SPRY3: variants seen among roughly 807,000 people sequenced by gnomAD.
SPRY3 encodes the protein protein sprouty homolog 3.
Under a neutral mutation model 20.2 loss-of-function variants are expected in SPRY3, and 15 were observed. That is an observed-to-expected ratio of 0.74 (90% CI 0.50 to 1.14). The LOEUF (loss-of-function observed/expected upper bound fraction) is 1.14. Ranked by LOEUF, SPRY3 falls within the 50% of genes most tolerant of loss-of-function variation. SPRY3 has a pLI of 0.00. For synonymous variants in SPRY3, 143 were observed against 136.5 expected (o/e 1.05, Z -0.33); for missense variants, 364 against 363.9 (o/e 1.00, Z 0.00).
At chrX:155,773,929 T>C (rs372778810) in exon 4 of SPRY3, 4 of 1,613,836 alleles carry the variant, frequency 2.5e-6, no homozygotes, top group Non-Finnish European at 3.4e-6. Context: ...ACAGCTGCGC[T>C]CTACTCATGC....
intron 2 of SPRY3, among the ~76,000 whole-genome samples, chrX:155,711,026 T>A (rs1207018949): frequency 6.6e-6 from 1 of 151,876 alleles, no homozygotes; most frequent in East Asian, 1.9e-4. Context: ...TTGGTCATGA[T>A]AAATGATCTT....
At chrX:155,776,772 C>T (rs1183262066) in exon 4 of SPRY3, 1 of 166,988 alleles carries the variant, frequency 6.0e-6, no homozygotes, top group Non-Finnish European at 1.5e-5. Context: ...ACCTCCATGT[C>T]CCTTTGTTGG....
chrX:155,720,407 G>A (rs1480570866), intron 2 of SPRY3, among the ~76,000 whole-genome samples: 1 of 152,134 alleles, frequency 6.6e-6, no homozygotes, highest in African/African-American at 2.4e-5. Context: ...GGCCTGTCTG[G>A]TTTTGCCACC....
chrX:155,750,252 G>T (rs191977472), intron 2 of SPRY3, among the ~76,000 whole-genome samples: 31 of 151,908 alleles, frequency 2.0e-4, no homozygotes, highest in African/African-American at 6.8e-4. Flanking sequence ...CATAAAGATG[G>T]CAACAATAGG....
At chrX:155,636,109 C>T (rs182970446) in intron 1 of SPRY3, among the ~76,000 whole-genome samples, 19 of 111,842 alleles carry the variant, frequency 1.7e-4, no homozygotes, top group African/African-American at 5.8e-4. Flanking sequence ...ATGCTTTAAT[C>T]GGGGACACAA....
chrX:155,695,092 A>G (rs758959680), intron 2 of SPRY3, among the ~76,000 whole-genome samples: 1 of 112,302 alleles, frequency 8.9e-6, no homozygotes, highest in Non-Finnish European at 1.9e-5. Flanking sequence ...TAAAGAAATT[A>G]TGAGGGAAAA....
At chrX:155,650,165 G>A (rs951521388) in intron 1 of SPRY3, among the ~76,000 whole-genome samples, 2 of 111,456 alleles carry the variant, frequency 1.8e-5, no homozygotes, top group Admixed American at 9.5e-5. Context: ...AATCAATATC[G>A]TGAAAATGGC....
intron 2 of SPRY3, among the ~76,000 whole-genome samples, chrX:155,733,383 G>GAT (rs1463196491): frequency 6.7e-6 from 1 of 148,286 alleles, no homozygotes; most frequent in African/African-American, 2.5e-5. Context: ...TATACATGCT[G>GAT]ATATATATAC....
intron 2 of SPRY3, among the ~76,000 whole-genome samples, chrX:155,697,991 A>G (rs1045972525): frequency 1.8e-5 from 2 of 111,333 alleles, no homozygotes; most frequent in African/African-American, 6.5e-5. Context: ...ATCATATATC[A>G]AGAAGTTTCT....
intron 2 of SPRY3, among the ~76,000 whole-genome samples, chrX:155,704,291 T>C: frequency 6.6e-6 from 1 of 151,894 alleles, no homozygotes; most frequent in Admixed American, 6.6e-5. Flanking sequence ...GATAGATGGG[T>C]AATTTCTGCA....
intron 1 of SPRY3, among the ~76,000 whole-genome samples, chrX:155,644,719 G>C (rs1557351707): frequency 9.1e-6 from 1 of 109,976 alleles, no homozygotes; most frequent in Admixed American, 9.7e-5. Flanking sequence ...TCTCACCTTA[G>C]ATTCACCCTT....
intron 2 of SPRY3, among the ~76,000 whole-genome samples, chrX:155,668,306 A>C (rs1371961748): frequency 9.0e-6 from 1 of 111,345 alleles, no homozygotes; most frequent in Non-Finnish European, 1.9e-5. Flanking sequence ...AAAGTAAGAC[A>C]AAAGAGTACA....
At chrX:155,626,158 C>T (rs2067887491) in intron 1 of SPRY3, among the ~76,000 whole-genome samples, 1 of 111,652 alleles carries the variant, frequency 9.0e-6, no homozygotes, top group Non-Finnish European at 1.9e-5. Context: ...TACATTCTTA[C>T]TGGCAACGTA....
intron 2 of SPRY3, among the ~76,000 whole-genome samples, chrX:155,766,873 C>G (rs2091333973): frequency 6.6e-6 from 1 of 152,052 alleles, no homozygotes; most frequent in Non-Finnish European, 1.5e-5. Context: ...TAATGGTTTC[C>G]CAGTGGCAAT....
intron 3 of SPRY3, among the ~76,000 whole-genome samples, chrX:155,771,579 G>C (rs2091381921): frequency 6.6e-6 from 1 of 152,096 alleles, no homozygotes; most frequent in Non-Finnish European, 1.5e-5. Flanking sequence ...CGATCAATGG[G>C]ACATAAATCT....
At chrX:155,746,477 C>T (rs2091227172) in intron 2 of SPRY3, among the ~76,000 whole-genome samples, 1 of 151,864 alleles carries the variant, frequency 6.6e-6, no homozygotes, top group Non-Finnish European at 1.5e-5. Context: ...AATCATCTTG[C>T]CCTCAATTAA....
intron 2 of SPRY3, among the ~76,000 whole-genome samples, chrX:155,704,992 CA>C (rs1346900316): frequency 6.6e-6 from 1 of 151,352 alleles, no homozygotes; most frequent in African/African-American, 2.4e-5. Context: ...TCAGAAGACT[CA>C]TTCTACAAGA....
At chrX:155,708,705 G>T (rs192333857) in intron 2 of SPRY3, among the ~76,000 whole-genome samples, 1 of 151,340 alleles carries the variant, frequency 6.6e-6, no homozygotes, top group Admixed American at 6.6e-5. Flanking sequence ...TGGAAAATCA[G>T]TATTCACCCC....
chrX:155,707,462 G>A (rs1703439754), intron 2 of SPRY3, among the ~76,000 whole-genome samples: 1 of 151,182 alleles, frequency 6.6e-6, no homozygotes, highest in Non-Finnish European at 1.5e-5. Flanking sequence ...TTGTTATTGT[G>A]TAAAATGTTC....
Sources: gnomAD v4.1 joint callset for allele counts (sites outside exome capture counted in the v4.1 genomes callset) on GRCh38, gnomAD v4.1.1 for gene constraint, MANE v1.5 for transcripts, NCBI Gene and HGNC (gene_info 2026-07-23, HGNC 2026-07-21) for gene names.